Variants in NEBL observed in about 807,000 individuals in gnomAD.
NEBL encodes LIM and SH3 protein 2.
Under a neutral mutation model 140.2 loss-of-function variants are expected in NEBL, and 122 were observed. That is an observed-to-expected ratio of 0.87 (90% CI 0.75 to 1.01). NEBL has a LOEUF of 1.01. Ranked by LOEUF, NEBL falls within the 50% of genes least tolerant of loss-of-function variation. The probability of loss-of-function intolerance (pLI) is 0.00; values close to 1 mark genes in which losing one functional copy is unlikely to be tolerated. For synonymous variants in NEBL, 436 were observed against 398.9 expected (o/e 1.09, Z -1.11); for missense variants, 1,365 against 1,231.3 (o/e 1.11, Z -1.62).
At chr10:20,853,443 G>A (rs1239813122) in intron 9 of NEBL, among the ~76,000 whole-genome samples, 1 of 152,180 alleles carries the variant, frequency 6.6e-6, no homozygotes, top group African/African-American at 2.4e-5. Context: ...TAAAGAAAAT[G>A]TGGCACATAT....
chr10:21,023,627 G>A (rs755722267), intron 2 of NEBL, among the ~76,000 whole-genome samples: 18 of 152,024 alleles, frequency 1.2e-4, no homozygotes, highest in African/African-American at 2.7e-4. Context: ...CCCAGGAGGC[G>A]GAGGTTGCAG....
Position 20,813,924 on chromosome 10 carries a change from C to A in NEBL, c.2346+15G>T, listed in dbSNP as rs1413893438. On this transcript the variant is annotated intron_variant, in intron 23 of 27. Transcript: ENST00000377122. Reference sequence around the variant, plus strand: ...TTCCTTAGCATGTTTTAAGAATGATCTGGTTGGACCCTACCATTGAAATAT... The same window carrying A: ...TTCCTTAGCATGTTTTAAGAATGATATGGTTGGACCCTACCATTGAAATAT... The A allele has an allele frequency of 1.3e-6, 2 of 1,492,176 alleles. No homozygotes were observed. The highest frequency in any genetic ancestry group is 1.7e-5 in the Admixed American group (1 of 59,810). The allele number at this position is 1,492,176 out of a possible 1,614,324, so 92.4% of individuals were successfully genotyped here.
intron 11 of NEBL, among the ~76,000 whole-genome samples, chr10:20,846,772 GA>G (rs892603778): frequency 1.3e-5 from 2 of 150,878 alleles, no homozygotes; most frequent in African/African-American, 4.9e-5. Context: ...AGCCCTTCTG[GA>G]AAAAAAAGTT....
At chr10:21,156,100 A>C (rs1427881536) in intron 2 of NEBL, among the ~76,000 whole-genome samples, 2 of 152,252 alleles carry the variant, frequency 1.3e-5, no homozygotes, top group African/African-American at 2.4e-5. Context: ...TCAAGTGGTA[A>C]AATAGAAAGA....
chr10:21,067,520 T>A (rs1369203488), intron 2 of NEBL, among the ~76,000 whole-genome samples: 1 of 152,104 alleles, frequency 6.6e-6, no homozygotes, highest in Non-Finnish European at 1.5e-5. Context: ...GAGAAACAGT[T>A]ATGTATGCCA....
At chr10:21,251,599 C>A (rs1842589770) in intron 2 of NEBL, among the ~76,000 whole-genome samples, 1 of 152,100 alleles carries the variant, frequency 6.6e-6, no homozygotes, top group Non-Finnish European at 1.5e-5. Context: ...TCTCTTCTCC[C>A]AATTCCCCAA....
chr10:21,133,806 G>A (rs1315999531), intron 2 of NEBL, among the ~76,000 whole-genome samples: 9 of 152,082 alleles, frequency 5.9e-5, no homozygotes, highest in Non-Finnish European at 2.9e-5. Context: ...CTACCAGGTG[G>A]CTGCCTCAAA....
chr10:21,069,973 C>T (rs1835741452), intron 2 of NEBL: 1 of 456,110 alleles, frequency 2.2e-6, no homozygotes, highest in Non-Finnish European at 4.4e-6. Flanking sequence ...GGGACTGCGC[C>T]CCTGGAGCCA....
At chr10:21,169,063 AAAAAATATATATATATATATATAT>A (rs1156368996) in intron 2 of NEBL, among the ~76,000 whole-genome samples, 548 of 35,308 alleles carry the variant, frequency 0.016, 31 homozygotes, top group African/African-American at 0.027. Context: ...AAAAAAAAAA[AAAAAATATATATATATATATATAT>A]ATATATATAT....
chr10:20,938,626 C>T (rs541885297), intron 4 of NEBL, among the ~76,000 whole-genome samples: 2 of 152,042 alleles, frequency 1.3e-5, no homozygotes, highest in African/African-American at 2.4e-5. Flanking sequence ...AGGCTTCAGA[C>T]AATCAAACTA....
intron 4 of NEBL, among the ~76,000 whole-genome samples, chr10:20,908,982 T>C (rs1337028264): frequency 6.6e-6 from 1 of 152,208 alleles, no homozygotes; most frequent in Non-Finnish European, 1.5e-5. Context: ...TCATAAAATT[T>C]GTGTTTGTGG....
In NEBL at chr10:20,880,921, AT is replaced by A; in HGVS notation, c.370-18del. 6.3e-7 allele frequency: 1 copy of A among 1,599,054 alleles called. No individual in the cohort carries two copies. Among genetic ancestry groups the A allele is most frequent in the Non-Finnish European group, 8.6e-7 (1 of 1,166,334 alleles). ...GTAGGCCACCTGAAAAACACAAATA[AT>A]TTTTAGTCCCATTTAGAGGCATATA... On this transcript the variant is annotated intron_variant, in intron 4 of 27. Transcript: ENST00000377122.
At chr10:21,036,229 G>A (rs1306303636) in intron 2 of NEBL, among the ~76,000 whole-genome samples, 1 of 152,128 alleles carries the variant, frequency 6.6e-6, no homozygotes, top group African/African-American at 2.4e-5. Flanking sequence ...GGGAGGCCGA[G>A]GCAGGAGGAT....
At chr10:21,009,226 T>C (rs1433355135) in intron 3 of NEBL, among the ~76,000 whole-genome samples, 2 of 152,234 alleles carry the variant, frequency 1.3e-5, no homozygotes, top group Non-Finnish European at 2.9e-5. Context: ...TAGAATGGAA[T>C]TCTTGGTTTT....
intron 18 of NEBL, among the ~76,000 whole-genome samples, chr10:20,823,700 T>C (rs1839575129): frequency 6.6e-6 from 1 of 152,134 alleles, no homozygotes; most frequent in Non-Finnish European, 1.5e-5. Context: ...AAAGTCAAAT[T>C]GATTTAGCCA....
intron 4 of NEBL, among the ~76,000 whole-genome samples, chr10:20,937,620 G>A (rs755915616): frequency 1.5e-4 from 23 of 152,172 alleles, no homozygotes; most frequent in Admixed American, 3.9e-4. Context: ...TGCACCAAGC[G>A]TGAGCTGAAG....
At chr10:21,280,118 G>A (rs1842973647) in intron 1 of NEBL, among the ~76,000 whole-genome samples, 1 of 152,158 alleles carries the variant, frequency 6.6e-6, no homozygotes, top group African/African-American at 2.4e-5. Context: ...GGATCTTGCA[G>A]ATTAGGGTCA....
chr10:20,871,252 T>G (rs1030728824), intron 5 of NEBL, among the ~76,000 whole-genome samples: 3 of 152,236 alleles, frequency 2.0e-5, no homozygotes, highest in African/African-American at 7.2e-5. Flanking sequence ...TTAGGGGTAC[T>G]TATTAAAGAT....
At chr10:20,812,736 A>C (rs775814645) in intron 24 of NEBL, 33 bp downstream of exon 24, 9 of 1,612,308 alleles carry the variant, frequency 5.6e-6, no homozygotes, top group Non-Finnish European at 8.5e-7. Flanking sequence ...CTTTTCGACC[A>C]CACACACCGG....
Sources: allele counts gnomAD v4.1 joint callset (sites outside exome capture counted in the v4.1 genomes callset), GRCh38; gene constraint gnomAD v4.1.1; transcripts MANE v1.5; gene names NCBI Gene and HGNC (gene_info 2026-07-23, HGNC 2026-07-21).